Variants in RFX2 observed in about 807,000 individuals in gnomAD.
The protein encoded by RFX2 is DNA-binding protein RFX2.
Under a neutral mutation model 87.8 loss-of-function variants are expected in RFX2, and 20 were observed. The ratio of observed to expected loss-of-function variants is 0.23; its 90% CI spans 0.16 to 0.33. The LOEUF (loss-of-function observed/expected upper bound fraction) is 0.33. Among genes scored for constraint, RFX2 ranks in the 10% least tolerant of loss-of-function variants. The pLI is 1.00. For synonymous variants in RFX2, 397 were observed against 431.3 expected, an observed-to-expected ratio of 0.92 and a Z score of 0.98; for missense variants, 767 against 1,012.3, an observed-to-expected ratio of 0.76 and a Z score of 3.29.
In RFX2 at chr19:6,004,426, C is replaced by T. The variant is rs1194612282; in HGVS notation, c.1403-128G>A. On this transcript the variant is annotated intron_variant, in intron 12 of 17. Transcript: ENST00000303657. This position sits in a 1 kb window ranked among gnomAD's most constrained non-coding sequence, Gnocchi z 4.8. ...CACCATGAAGAACGAGCCACACAGG[C>T]GACGGGGAACCGAGGACACTTAGAA... The T allele has an allele frequency of 5.3e-6, 4 of 748,756 alleles. No homozygotes were observed. Among genetic ancestry groups the T allele is most frequent in the South Asian group, 1.5e-5 (1 of 67,060 alleles). 46.4% of individuals were successfully genotyped at this position (748,756 alleles called of 1,614,324 possible).
At chr19:6,053,332 G>T (rs2087289092) in intron 1 of RFX2, among the ~76,000 whole-genome samples, 1 of 152,220 alleles carries the variant, frequency 6.6e-6, no homozygotes, top group Non-Finnish European at 1.5e-5. Context: ...TGGTTGCCAG[G>T]TATCAGAGAG....
In RFX2 at chr19:6,059,810, C is replaced by T. The variant is rs182234794; in HGVS notation, c.-8-12306G>A. ...ACATGCAGACACACATACATGCACA[C>T]ACATACACCACCTGACGCAGGATAA... On this transcript the variant is annotated intron_variant, in intron 1 of 17. Coordinates refer to ENST00000303657, the MANE Select transcript of RFX2 (RefSeq NM_000635.4). 3.1e-4 allele frequency among the ~76,000 whole-genome samples: 47 copies of T among 152,300 alleles called. No homozygotes were observed. The East Asian group carries it at 6.5e-3, about 21-fold the overall frequency.
chr19:6,000,600 G>T (rs569548552), intron 15 of RFX2, among the ~76,000 whole-genome samples: 1 of 152,350 alleles, frequency 6.6e-6, no homozygotes, highest in South Asian at 2.1e-4. Context: ...CATGAGATGT[G>T]ATGGTTTTAT....
At chr19:6,081,005 C>A (rs180751257) in intron 1 of RFX2, among the ~76,000 whole-genome samples, 15 of 145,530 alleles carry the variant, frequency 1.0e-4, no homozygotes, top group East Asian at 2.0e-4. Context: ...CATTGCATAC[C>A]AGCCTGGGCA....
rs1649258444 is a variant in RFX2 at position 6,021,547 on chromosome 19, T to C, written c.597+4616A>G. On this transcript the variant is annotated intron_variant, in intron 6 of 17. Transcript: ENST00000303657. This position sits in a 1 kb window ranked among gnomAD's most constrained non-coding sequence, Gnocchi z 5.7. ...TGTCAGGCAGGGCTCACTGAGAAAG[T>C]GCCCACTGAGTGAAGACTCAGAGGA... Among the ~76,000 whole-genome samples the C allele has an allele frequency of 1.3e-5, 2 of 151,710 alleles. No homozygotes were observed. The highest frequency in any genetic ancestry group is 1.3e-4 in the Admixed American group (2 of 15,250).
intron 1 of RFX2, chr19:6,078,361 T>C (rs2087726587): frequency 6.9e-6 from 1 of 145,236 alleles, no homozygotes; most frequent in Non-Finnish European, 1.5e-5. Flanking sequence ...AAAAAAGGTA[T>C]ATTGACGACC....
At position 6,040,918 on chromosome 19, in the gene RFX2, G is replaced by A. The variant is rs1055133585; in HGVS notation, c.261-677C>T. Among the ~76,000 whole-genome samples the A allele has an allele frequency of 3.9e-5, 6 of 152,146 alleles. No individual in the cohort carries two copies. Among genetic ancestry groups the A allele is most frequent in the South Asian group, 4.1e-4 (2 of 4,820 alleles). On this transcript the variant is annotated intron_variant, in intron 4 of 17. Coordinates refer to ENST00000303657, the MANE Select transcript of RFX2 (RefSeq NM_000635.4). The surrounding 1 kb of genome is among the most constrained non-coding windows in gnomAD (Gnocchi z 6.1). ...AAAATGCAAAGAAATAGACACGCAC[G>A]CACATGCAAGGGTACACACATGAAC... is the stretch of plus-strand genomic sequence containing the variant.
In RFX2 at chr19:6,097,453, A is replaced by G. The variant is rs368309978; in HGVS notation, c.-9+12940T>C. Among the ~76,000 whole-genome samples the G allele has an allele frequency of 2.4e-4, 37 of 152,264 alleles. No individual in the cohort carries two copies. In the East Asian group the frequency reaches 4.0e-3, roughly 17 times the overall value. On this transcript the variant is annotated intron_variant, in intron 1 of 17. Coordinates refer to ENST00000303657, the MANE Select transcript of RFX2 (RefSeq NM_000635.4). ...CCAAAGGACTGAGACATGCATTAAGATATCTTTACCCTTCTGAGGGCGTGA... is the reference window on the plus strand; with the variant it reads ...CCAAAGGACTGAGACATGCATTAAGGTATCTTTACCCTTCTGAGGGCGTGA...
rs150433902 is a variant in RFX2, at chr19:6,024,142, C to G, written c.597+2021G>C. ...GCTGCCTGTCCAGGCTCTGCACCCC[C>G]ATCCTGCCTGGGTCACGCAGCCCTC... On this transcript the variant is annotated intron_variant, in intron 6 of 17. Coordinates refer to ENST00000303657, the MANE Select transcript of RFX2 (RefSeq NM_000635.4). The surrounding 1 kb of genome is among the most constrained non-coding windows in gnomAD (Gnocchi z 5.0). 9.5e-4 allele frequency among the ~76,000 whole-genome samples: 144 copies of G among 152,362 alleles called. No homozygotes were observed. Among genetic ancestry groups the G allele is most frequent in the Middle Eastern group, 3.4e-3 (1 of 294 alleles).
chr19:6,069,990 T>G, intron 1 of RFX2, among the ~76,000 whole-genome samples: 1 of 148,236 alleles, frequency 6.7e-6, no homozygotes. Context: ...CTTTCATGGA[T>G]GGGATGGGAT....
chr19:5,995,724 C>A, intron 16 of RFX2, 81 bp from the exon 17 acceptor site: 3 of 1,304,640 alleles, frequency 2.3e-6, no homozygotes, highest in Non-Finnish European at 3.2e-6. Flanking sequence ...GCCGGCCCAA[C>A]CTTGCCTTGA....
Position 6,047,540 on chromosome 19 carries a change from G to A in RFX2, c.-8-36C>T. On this transcript the variant is annotated intron_variant, in intron 1 of 17. Transcript: ENST00000303657. This position sits in a 1 kb window ranked among gnomAD's most constrained non-coding sequence, Gnocchi z 4.2. Reference sequence around the variant, plus strand: ...GCGGAGAGAGATTGGGTGGGCAAGGGCTGCAAGCACTGAAATCCGAAGAGG... The same window carrying A: ...GCGGAGAGAGATTGGGTGGGCAAGGACTGCAAGCACTGAAATCCGAAGAGG... 6.6e-7 allele frequency: 1 copy of A among 1,524,126 alleles called. No individual in the cohort carries two copies. The highest frequency in any genetic ancestry group is 9.0e-7 in the Non-Finnish European group (1 of 1,114,122). The allele number at this position is 1,524,126 out of a possible 1,614,324, so 94.4% of individuals were successfully genotyped here.
chr19:6,088,793 C>T (rs1030290603), intron 1 of RFX2, among the ~76,000 whole-genome samples: 2 of 152,102 alleles, frequency 1.3e-5, no homozygotes, highest in African/African-American at 4.8e-5. Context: ...GGGTGGCAAG[C>T]TTTTTTTGTA....
intron 1 of RFX2, among the ~76,000 whole-genome samples, chr19:6,096,648 A>G (rs10401994): frequency 0.94 from 143,261 of 152,222 alleles, 67,478 homozygotes; most frequent in East Asian, 1. Context: ...GGGTTTCACC[A>G]TGTTAGCCAG....
At chr19:6,099,462 A>C (rs1330253354) in intron 1 of RFX2, among the ~76,000 whole-genome samples, 1 of 152,188 alleles carries the variant, frequency 6.6e-6, no homozygotes, top group Non-Finnish European at 1.5e-5. Context: ...AATTGAGATC[A>C]AATCGAAAAC....
chr19:6,073,793 C>G (rs906062638), intron 1 of RFX2, among the ~76,000 whole-genome samples: 4 of 152,136 alleles, frequency 2.6e-5, no homozygotes, highest in African/African-American at 9.7e-5. Context: ...AGGTTGAATG[C>G]GGACGGCTAA....
At position 6,016,177 on chromosome 19, in the gene RFX2, T is replaced by C. The variant is rs1454531904; in HGVS notation, c.692A>G (p.His231Arg). The C allele has an allele frequency of 6.2e-7, 1 of 1,614,048 alleles. No homozygotes were observed. The highest frequency in any genetic ancestry group is 1.3e-5 in the African/African-American group (1 of 74,954). ...GGCGGCGTTCACTGGGTCTAGCTTG[T>C]GCTCCTGGCAGTGCCGAAGGTAGTG... Reference protein sequence around the residue: ...YNHYLRHCQEHKLDPVNAASF... With the variant: ...YNHYLRHCQERKLDPVNAASF... The change falls in exon 7 of 18, where the codon CAC becomes CGC. Residue 231 changes from histidine to arginine, a missense_variant. By Grantham distance (29) the His-to-Arg change is conservative. Around this residue, in one of 2 missense-constraint regions of RFX2, gnomAD observed 621 missense variants for 873.0 expected, o/e 0.71. Coordinates refer to ENST00000303657, the MANE Select transcript of RFX2 (RefSeq NM_000635.4). The surrounding 1 kb of genome is among the most constrained non-coding windows in gnomAD (Gnocchi z 5.4).
chr19:6,003,504 A>C (rs1180477461), intron 13 of RFX2, among the ~76,000 whole-genome samples: 1 of 150,424 alleles, frequency 6.6e-6, no homozygotes, highest in Non-Finnish European at 1.5e-5. Flanking sequence ...TGGCTGGGTG[A>C]GGTGGCTCAC....
chr19:6,038,463 A>G (rs1321801173), intron 5 of RFX2, among the ~76,000 whole-genome samples: 1 of 152,132 alleles, frequency 6.6e-6, no homozygotes, highest in Admixed American at 6.5e-5. Context: ...CATGAGCCAC[A>G]GAAGAAAAAT....
Sources: allele counts gnomAD v4.1 joint callset (sites outside exome capture counted in the v4.1 genomes callset), GRCh38; gene constraint gnomAD v4.1.1; regional missense constraint gnomAD v4.1.1; non-coding constraint Gnocchi (gnomAD v3.1); transcripts MANE v1.5; gene names NCBI Gene and HGNC (gene_info 2026-07-23, HGNC 2026-07-21).